Variants in SV2B observed in about 807,000 individuals in gnomAD.
SV2B encodes solute carrier family 22 member B2.
SV2B carries 41 observed loss-of-function variants against 73.9 expected under a neutral mutation model. That is an observed-to-expected ratio of 0.56 (90% CI 0.43 to 0.72). The LOEUF is 0.72. SV2B is among the 30% of genes least tolerant of loss of function. SV2B has a pLI of 0.00. For synonymous variants in SV2B, 314 were observed against 314.2 expected, an observed-to-expected ratio of 1.00 and a Z score of 0.01; for missense variants, 764 against 857.8, an observed-to-expected ratio of 0.89 and a Z score of 1.37.
intron 1 of SV2B, among the ~76,000 whole-genome samples, chr15:91,181,299 C>T (rs1020304051): frequency 2.2e-5 from 3 of 135,878 alleles, no homozygotes; most frequent in Non-Finnish European, 4.8e-5. Flanking sequence ...GTCAGTCTGC[C>T]CCTACTGGGG....
chr15:91,209,118 T>TTG (rs1289371979), intron 1 of SV2B, among the ~76,000 whole-genome samples: 1 of 133,520 alleles, frequency 7.5e-6, no homozygotes, highest in African/African-American at 3.4e-5. Flanking sequence ...TTTTTTGTTT[T>TTG]TTTTTTTTTT....
intron 1 of SV2B, among the ~76,000 whole-genome samples, chr15:91,159,905 A>T (rs565622100): frequency 6.6e-6 from 1 of 152,336 alleles, no homozygotes; most frequent in East Asian, 1.9e-4. Flanking sequence ...AAAAAAGATG[A>T]ATACACAAAA....
chr15:91,258,620 C>T lies in SV2B; in HGVS notation c.918+66C>T, dbSNP rs2047790743. On this transcript the variant is annotated intron_variant, in intron 5 of 12. Transcript: ENST00000394232. The surrounding 1 kb of genome is among the most constrained non-coding windows in gnomAD (Gnocchi z 4.7). ...AGCCACAGGAACCCAGCCTCGCTTC[C>T]TTCTCTCAGCTCCTAGTCCCACATC... 5 of 1,603,644 alleles carry T rather than the reference C, an allele frequency of 3.1e-6. No individual in the cohort carries two copies. In the South Asian group the frequency reaches 5.6e-5, roughly 18 times the overall value.
At position 91,156,975 on chromosome 15, in the gene SV2B, G is replaced by A. The variant is rs185051669; in HGVS notation, c.-392+56612G>A. Reference sequence around the variant, plus strand: ...GCCTCAGATAAACAGATGTGTAGGCGCAAGCTCATTGCTTGCTGCCCAGGG... The same window carrying A: ...GCCTCAGATAAACAGATGTGTAGGCACAAGCTCATTGCTTGCTGCCCAGGG... On this transcript the variant is annotated intron_variant, in intron 1 of 12. Transcript: ENST00000394232. 9.3e-4 allele frequency among the ~76,000 whole-genome samples: 141 copies of A among 152,298 alleles called. 2 individuals carry two copies. The South Asian group carries it at 0.01, about 11-fold the overall frequency.
rs1245641804 is a variant in SV2B, at chr15:91,223,818, A to G, written c.-391-2055A>G. ...AGTAGAGTGCGAATCATTTCTTAGT[A>G]AGTATTTCTTGCTGGCTTCTTTGGC... On this transcript the variant is annotated intron_variant, in intron 1 of 12. Coordinates refer to ENST00000394232, the MANE Select transcript of SV2B (RefSeq NM_001323032.3). This position sits in a 1 kb window ranked among gnomAD's most constrained non-coding sequence, Gnocchi z 4.6. Among the ~76,000 whole-genome samples, 1 of 152,202 alleles carries G rather than the reference A, an allele frequency of 6.6e-6. No homozygotes were observed. Among genetic ancestry groups the G allele is most frequent in the Non-Finnish European group, 1.5e-5 (1 of 68,038 alleles).
At chr15:91,211,820 T>G (rs1363988271) in intron 1 of SV2B, among the ~76,000 whole-genome samples, 2 of 149,008 alleles carry the variant, frequency 1.3e-5, no homozygotes, top group African/African-American at 5.0e-5. Flanking sequence ...TTTTTTTTTT[T>G]TTTGAGTTGG....
intron 1 of SV2B, among the ~76,000 whole-genome samples, chr15:91,120,017 C>G (rs957860606): frequency 6.6e-6 from 1 of 152,218 alleles, no homozygotes; most frequent in African/African-American, 2.4e-5. Context: ...GAAATATTCT[C>G]ATAAGTGTTG....
At chr15:91,237,141 G>A (rs1196979863) in intron 2 of SV2B, among the ~76,000 whole-genome samples, 2 of 152,198 alleles carry the variant, frequency 1.3e-5, no homozygotes, top group Non-Finnish European at 2.9e-5. Flanking sequence ...AGGTTCTGGA[G>A]AGCATGTGAA....
intron 1 of SV2B, among the ~76,000 whole-genome samples, chr15:91,191,158 C>T (rs766315892): frequency 3.4e-5 from 5 of 147,370 alleles, no homozygotes; most frequent in Non-Finnish European, 5.9e-5. Flanking sequence ...CTCCGCCTCC[C>T]GGGTTCAAGC....
In SV2B at chr15:91,130,035, G is replaced by A. The variant is rs546356144; in HGVS notation, c.-392+29672G>A. On this transcript the variant is annotated intron_variant, in intron 1 of 12. Coordinates refer to ENST00000394232, the MANE Select transcript of SV2B (RefSeq NM_001323032.3). The surrounding 1 kb of genome is among the most constrained non-coding windows in gnomAD (Gnocchi z 5.6). ...GTGGATAAATTGGGAAGAGAGGGAC[G>A]ACAGGCCTGGGGCCACGTGGGCAGC... 2.3e-3 allele frequency among the ~76,000 whole-genome samples: 349 copies of A among 152,316 alleles called. No individual in the cohort carries two copies. Among genetic ancestry groups the A allele is most frequent in the Non-Finnish European group, 4.2e-3 (286 of 68,024 alleles).
At position 91,132,342 on chromosome 15, in the gene SV2B, G is replaced by T. The variant is rs573632155; in HGVS notation, c.-392+31979G>T. Among the ~76,000 whole-genome samples the T allele has an allele frequency of 1.6e-3, 247 of 152,262 alleles. 1 individual carries two copies. The highest frequency in any genetic ancestry group is 6.6e-3 in the South Asian group (32 of 4,822). On this transcript the variant is annotated intron_variant, in intron 1 of 12. Transcript: ENST00000394232. This position sits in a 1 kb window ranked among gnomAD's most constrained non-coding sequence, Gnocchi z 4.6. ...CAGAGGCTGAAGTGAAGTTACAAAG[G>T]TCACACACCTGTGCAAACATTGGTT...
upstream of SV2B, among the ~76,000 whole-genome samples, chr15:91,099,625 CAG>C (rs952809241): frequency 2.6e-5 from 4 of 152,164 alleles, no homozygotes; most frequent in African/African-American, 9.7e-5. Flanking sequence ...AGGAGGGAGA[CAG>C]AGGTGGAGGG....
chr15:91,108,431 T>C (rs2041948946), intron 1 of SV2B, among the ~76,000 whole-genome samples: 2 of 152,250 alleles, frequency 1.3e-5, no homozygotes, highest in Admixed American at 1.3e-4. Context: ...GTCTGATGCC[T>C]TTGTGGCTCC....
In SV2B at chr15:91,116,868, C is replaced by T. The variant is rs143389447; in HGVS notation, c.-392+16505C>T. On this transcript the variant is annotated intron_variant, in intron 1 of 12. Transcript: ENST00000394232. The stretch of plus-strand genomic sequence containing the variant: ...AAGGGCAAAGGCATGTCTTACATGG[C>T]GGCAGGCAAGAGACCATGTGCAGGG... Among the ~76,000 whole-genome samples, 145 of 152,238 alleles carry T rather than the reference C, an allele frequency of 9.5e-4. 1 individual carries two copies. Among genetic ancestry groups the T allele is most frequent in the South Asian group, 6.2e-4 (3 of 4,820 alleles).
At position 91,240,392 on chromosome 15, in the gene SV2B, G is replaced by A. The variant is rs1412448880; in HGVS notation, c.452-11427G>A. ...ATCCAGTAAATATGAGCTGGTATTT[G>A]TATATTTTTAACTTTTCACTTTATT... On this transcript the variant is annotated intron_variant, in intron 2 of 12. Transcript: ENST00000394232. This position sits in a 1 kb window ranked among gnomAD's most constrained non-coding sequence, Gnocchi z 4.6. 6.6e-6 allele frequency among the ~76,000 whole-genome samples: 1 copy of A among 152,116 alleles called. No homozygotes were observed. Among genetic ancestry groups the A allele is most frequent in the Non-Finnish European group, 1.5e-5 (1 of 68,014 alleles).
rs1009519298 is a variant in SV2B, at chr15:91,227,542, A to G, written c.451+828A>G. On this transcript the variant is annotated intron_variant, in intron 2 of 12. Transcript: ENST00000394232. The surrounding 1 kb of genome is among the most constrained non-coding windows in gnomAD (Gnocchi z 4.5). Reference sequence around the variant, plus strand: ...CTATGAAATTAATTGTGCAGCAAACATGTAGTTATGAGAACTAACTATAAG... The same window carrying G: ...CTATGAAATTAATTGTGCAGCAAACGTGTAGTTATGAGAACTAACTATAAG... Among the ~76,000 whole-genome samples, 2 of 152,246 alleles carry G rather than the reference A, an allele frequency of 1.3e-5. No homozygotes were observed. Among genetic ancestry groups the G allele is most frequent in the Admixed American group, 1.3e-4 (2 of 15,284 alleles).
intron 1 of SV2B, among the ~76,000 whole-genome samples, chr15:91,181,489 T>C (rs1234209857): frequency 6.6e-6 from 1 of 151,908 alleles, no homozygotes; most frequent in Non-Finnish European, 1.5e-5. Context: ...GCCGTGAATT[T>C]TCTTACATTA....
intron 1 of SV2B, among the ~76,000 whole-genome samples, chr15:91,131,147 GTTTTTTTT>G (rs56130189): frequency 5.9e-5 from 7 of 118,090 alleles, no homozygotes; most frequent in Admixed American, 1.8e-4. Flanking sequence ...ATGTTTTCTT[GTTTTTTTT>G]TTTTTTTTTT....
chr15:91,151,625 T>TA (rs760327516), intron 1 of SV2B, among the ~76,000 whole-genome samples: 4 of 152,210 alleles, frequency 2.6e-5, no homozygotes, highest in Non-Finnish European at 5.9e-5. Flanking sequence ...AAATAAAGCT[T>TA]AAAAGCAAAG....
Sources: gnomAD v4.1 joint callset for allele counts (sites outside exome capture counted in the v4.1 genomes callset) on GRCh38, gnomAD v4.1.1 for gene constraint, Gnocchi (gnomAD v3.1) non-coding constraint, MANE v1.5 for transcripts, NCBI Gene and HGNC (gene_info 2026-07-23, HGNC 2026-07-21) for gene names.